CEP63: variants seen among roughly 807,000 people sequenced by gnomAD.
CEP63 encodes the protein centrosomal protein 63, also known as centrosomal protein of 63 kDa.
In CEP63, 84 loss-of-function variants were observed where a neutral mutation model predicts 89.1. The observed-to-expected ratio is 0.94, with a 90% CI of 0.79 to 1.13. CEP63 has a LOEUF of 1.13. Ranked by LOEUF, CEP63 falls within the 50% of genes most tolerant of loss-of-function variation. The pLI, the probability that CEP63 is intolerant of heterozygous loss-of-function variation, is 0.00. For missense variants in CEP63, 838 were observed against 813.3 expected (o/e 1.03, Z -0.37); for synonymous variants, 267 against 272.5 (o/e 0.98, Z 0.20).
At chr3:134,753,479 C>T in the CEP63 span, among the ~76,000 whole-genome samples, 13 of 152,188 alleles carry the variant, frequency 8.5e-5, no homozygotes, top group African/African-American at 3.1e-4. Flanking sequence ...GACCCTTGGT[C>T]TCCATAGACC....
the CEP63 span, among the ~76,000 whole-genome samples, chr3:134,730,227 C>T: frequency 3.3e-5 from 5 of 152,204 alleles, no homozygotes; most frequent in Admixed American, 3.3e-4. Context: ...TTTGCTAAAT[C>T]TGGCAACCCT....
the CEP63 span, among the ~76,000 whole-genome samples, chr3:134,711,776 T>C: frequency 6.6e-6 from 1 of 151,480 alleles, no homozygotes; most frequent in East Asian, 1.9e-4. Context: ...CTTTTTTTTT[T>C]TTTTGAGACA....
At chr3:134,511,669 A>C (rs1353493056) in intron 3 of CEP63, among the ~76,000 whole-genome samples, 1 of 152,206 alleles carries the variant, frequency 6.6e-6, no homozygotes, top group African/African-American at 2.4e-5. Context: ...TCATGGCAGA[A>C]AGTGAAGAGG....
intron 5 of CEP63, chr3:134,536,775 G>A (rs966553225): frequency 2.3e-5 from 7 of 299,690 alleles, no homozygotes; most frequent in African/African-American, 8.7e-5. Flanking sequence ...TTTGGATAGC[G>A]AGGGATATCT....
At chr3:134,679,723 T>TTTTG in the CEP63 span, among the ~76,000 whole-genome samples, 7 of 152,142 alleles carry the variant, frequency 4.6e-5, no homozygotes, top group Admixed American at 2.0e-4. Flanking sequence ...TGACTGGCAA[T>TTTTG]TTTGTTTGTT....
exon 12 of CEP63, chr3:134,574,994 A>C (rs1958163684): frequency 2.5e-6 from 1 of 404,912 alleles, no homozygotes; most frequent in Non-Finnish European, 4.4e-6. Context: ...TTTTCAAATA[A>C]ATATTGTAAA....
At chr3:134,679,387 C>T in the CEP63 span, among the ~76,000 whole-genome samples, 1 of 152,188 alleles carries the variant, frequency 6.6e-6, no homozygotes, top group Non-Finnish European at 1.5e-5. Context: ...TGAACAATAT[C>T]TGGCCACAGA....
intron 6 of CEP63, among the ~76,000 whole-genome samples, chr3:134,542,461 C>G (rs1209400200): frequency 6.6e-6 from 1 of 152,124 alleles, no homozygotes; most frequent in Non-Finnish European, 1.5e-5. Flanking sequence ...TTAGGCTGCT[C>G]TCTAGTGGAA....
At chr3:134,753,164 G>C in the CEP63 span, among the ~76,000 whole-genome samples, 1 of 152,102 alleles carries the variant, frequency 6.6e-6, no homozygotes, top group Non-Finnish European at 1.5e-5. Flanking sequence ...CTATGTTTCT[G>C]CCTGTCTATC....
the CEP63 span, among the ~76,000 whole-genome samples, chr3:134,761,581 CA>C: frequency 6.6e-6 from 1 of 152,182 alleles, no homozygotes; most frequent in African/African-American, 2.4e-5. Context: ...CGGCCAACAG[CA>C]AAGGCACTGC....
In CEP63 at chr3:134,551,910, G is replaced by T; in HGVS notation, c.1381-16G>T. The T allele has an allele frequency of 1.3e-6, 2 of 1,572,706 alleles. No individual in the cohort carries two copies. The highest frequency in any genetic ancestry group is 1.7e-5 in the Admixed American group (1 of 58,588). On this transcript the variant is annotated splice_polypyrimidine_tract_variant and intron_variant, in intron 11 of 14. Coordinates refer to ENST00000675561, the MANE Select transcript of CEP63 (RefSeq NM_001353108.3). ...TTACATGTTATATTTATTTTTTTCT[G>T]TTTTCCCCTTTTCAGGAGATTTTGG...
the CEP63 span, among the ~76,000 whole-genome samples, chr3:134,732,232 A>G: frequency 6.6e-6 from 1 of 152,176 alleles, no homozygotes; most frequent in East Asian, 1.9e-4. Flanking sequence ...ATACTTCAGG[A>G]AAAATAAAAA....
At chr3:134,543,234 CTT>C (rs1952428216) in intron 6 of CEP63, among the ~76,000 whole-genome samples, 2 of 152,036 alleles carry the variant, frequency 1.3e-5, no homozygotes, top group Admixed American at 6.5e-5. Context: ...TTTAATGAGT[CTT>C]TGAAATCTTC....
downstream of CEP63, chr3:134,565,067 C>A: frequency 3.0e-6 from 2 of 672,998 alleles, no homozygotes; most frequent in Non-Finnish European, 3.7e-6. Flanking sequence ...TTTCCAAAAT[C>A]TGTCCGTGAT....
chr3:134,518,806 G>A (rs1157169622), intron 3 of CEP63, among the ~76,000 whole-genome samples: 1 of 151,702 alleles, frequency 6.6e-6, no homozygotes, highest in African/African-American at 2.4e-5. Flanking sequence ...ATGTAATAAA[G>A]ATAAGAACAG....
chr3:134,668,491 G>A, the CEP63 span, among the ~76,000 whole-genome samples: 2 of 152,248 alleles, frequency 1.3e-5, no homozygotes, highest in African/African-American at 2.4e-5. Flanking sequence ...GCAGCCCTTA[G>A]CCCCCAGGAA....
the CEP63 span, among the ~76,000 whole-genome samples, chr3:134,621,582 C>T: frequency 6.6e-6 from 1 of 152,156 alleles, no homozygotes; most frequent in Non-Finnish European, 1.5e-5. Flanking sequence ...GGATCAGTGA[C>T]TCAAATATAA....
At chr3:134,577,774 C>T (rs887641774), downstream of CEP63, among the ~76,000 whole-genome samples, 81 of 152,160 alleles carry the variant, frequency 5.3e-4, 1 homozygote, top group East Asian at 3.9e-4. Context: ...CTCATCTTTC[C>T]GTCCACCCCC....
the CEP63 span, among the ~76,000 whole-genome samples, chr3:134,621,833 A>G: frequency 2.0e-5 from 3 of 152,230 alleles, no homozygotes; most frequent in African/African-American, 7.2e-5. Context: ...AGGGTTAAAT[A>G]TCCAGAATAT....
Sources: gnomAD v4.1 joint callset for allele counts (sites outside exome capture counted in the v4.1 genomes callset) on GRCh38, gnomAD v4.1.1 for gene constraint, MANE v1.5 for transcripts, NCBI Gene and HGNC (gene_info 2026-07-23, HGNC 2026-07-21) for gene names.